The following PTPRT variants were observed in gnomAD, a reference collection of about 807,000 sequenced individuals.
The protein encoded by PTPRT is receptor-type tyrosine-protein phosphatase T.
Under a neutral mutation model 176.8 loss-of-function variants are expected in PTPRT, and 56 were observed. The observed-to-expected ratio is 0.32, with a 90% CI of 0.26 to 0.40. The LOEUF (loss-of-function observed/expected upper bound fraction) is 0.40. Ranked by LOEUF, PTPRT falls within the 10% of genes least tolerant of loss-of-function variation. PTPRT has a pLI of 1.00. For synonymous variants in PTPRT, 783 were observed against 739.0 expected (o/e 1.06, Z -0.96); for missense variants, 1,540 against 1,908.2 (o/e 0.81, Z 3.60).
chr20:42,899,940 G>A (rs922261377), intron 1 of PTPRT, among the ~76,000 whole-genome samples: 1 of 152,200 alleles, frequency 6.6e-6, no homozygotes, highest in Non-Finnish European at 1.5e-5. Flanking sequence ...GGAACTATGT[G>A]CTATGCACCG....
chr20:42,146,949 C>G (rs953329510), intron 17 of PTPRT, among the ~76,000 whole-genome samples: 11 of 152,268 alleles, frequency 7.2e-5, no homozygotes, highest in South Asian at 2.1e-4. Context: ...TGACAAACTC[C>G]TACATGTCCT....
chr20:42,590,927 CGTGTGTGTGTGTGTGTGTGTGT>C (rs11468131), intron 7 of PTPRT, among the ~76,000 whole-genome samples: 1 of 130,996 alleles, frequency 7.6e-6, no homozygotes, highest in Non-Finnish European at 1.6e-5. Context: ...AGAGATTTAG[CGTGTGTGTGTGTGTGTGTGTGT>C]GTGTGTGTGT....
At chr20:42,279,900 C>T (rs986824462) in intron 13 of PTPRT, among the ~76,000 whole-genome samples, 5 of 152,088 alleles carry the variant, frequency 3.3e-5, no homozygotes, top group Non-Finnish European at 5.9e-5. Context: ...AGAGTACTGG[C>T]CTTGAGTCTG....
At chr20:42,234,992 G>A (rs2056211371) in intron 15 of PTPRT, among the ~76,000 whole-genome samples, 1 of 152,206 alleles carries the variant, frequency 6.6e-6, no homozygotes, top group Non-Finnish European at 1.5e-5. Flanking sequence ...AAGACATGGA[G>A]CGCTAAGCAA....
rs189688022 is a variant in PTPRT, at chr20:42,906,506, C to T, written c.89-20574G>A. 6.6e-4 allele frequency among the ~76,000 whole-genome samples: 101 copies of T among 152,294 alleles called. 1 individual carries two copies. The East Asian group carries it at 0.014, about 21-fold the overall frequency. On this transcript the variant is annotated intron_variant, in intron 1 of 30. Coordinates refer to ENST00000373187, the MANE Select transcript of PTPRT (RefSeq NM_007050.6). Reference sequence around the variant, plus strand: ...CAAGAAACTCTCAGGATACAGAAAGCCCTCTGTCCTTGCAATAAGGCAGGG... The same window carrying T: ...CAAGAAACTCTCAGGATACAGAAAGTCCTCTGTCCTTGCAATAAGGCAGGG...
intron 1 of PTPRT, among the ~76,000 whole-genome samples, chr20:43,043,131 C>T (rs1262199921): frequency 6.6e-6 from 1 of 152,132 alleles, no homozygotes; most frequent in Admixed American, 6.6e-5. Context: ...CTTCTTTTGC[C>T]AAAGCGAGGT....
rs150972695 is a variant in PTPRT, at chr20:42,154,635, C to T, written c.2682+6717G>A. 2.1e-3 allele frequency among the ~76,000 whole-genome samples: 319 copies of T among 152,354 alleles called. 5 individuals carry two copies. The highest frequency in any genetic ancestry group is 1.5e-3 in the Non-Finnish European group (99 of 68,032). On this transcript the variant is annotated intron_variant, in intron 17 of 30. Coordinates refer to ENST00000373187, the MANE Select transcript of PTPRT (RefSeq NM_007050.6). ...TGGTTCCATTCATTATGGCGACAGC[C>T]TGTCTGGATTGAACTGGGATGAATG...
chr20:42,762,224 G>A (rs931956376), intron 5 of PTPRT, among the ~76,000 whole-genome samples: 1 of 152,028 alleles, frequency 6.6e-6, no homozygotes, highest in Non-Finnish European at 1.5e-5. Flanking sequence ...TTGGGGTGAG[G>A]TTTCCTTATC....
Position 42,084,770 on chromosome 20 carries a change from T to C in PTPRT, c.4048A>G (p.Lys1350Glu). Residue 1350 changes from lysine to glutamate, a missense_variant, in exon 29 of 31, where the codon AAG becomes GAG. Physicochemically the swap from Lys to Glu is moderately conservative, Grantham distance 56. Transcript: ENST00000373187. ...WPAYRDTPPSKRSLLKVVRRL... is the reference protein window; with the variant it reads ...WPAYRDTPPSERSLLKVVRRL... ...CGGACCACTTTGAGCAGAGAGCGCTTGGAGGGGGGCGTGTCCCGGTAGGCA... is the reference window on the plus strand; with the variant it reads ...CGGACCACTTTGAGCAGAGAGCGCTCGGAGGGGGGCGTGTCCCGGTAGGCA... The C allele has an allele frequency of 1.9e-6, 3 of 1,561,310 alleles. No homozygotes were observed. The highest frequency in any genetic ancestry group is 1.7e-6 in the Non-Finnish European group (2 of 1,149,738).
chr20:42,959,198 G>T (rs1342773832), intron 1 of PTPRT, among the ~76,000 whole-genome samples: 1 of 152,104 alleles, frequency 6.6e-6, no homozygotes, highest in East Asian at 1.9e-4. Context: ...CTGTAAAATA[G>T]TACCTACCTC....
intron 6 of PTPRT, among the ~76,000 whole-genome samples, chr20:42,695,424 T>C (rs564482991): frequency 6.6e-6 from 1 of 152,306 alleles, no homozygotes; most frequent in African/African-American, 2.4e-5. Context: ...TACCATAGAG[T>C]TTCTGAATAA....
chr20:42,511,964 A>C (rs1366406170), intron 7 of PTPRT, among the ~76,000 whole-genome samples: 2 of 152,134 alleles, frequency 1.3e-5, no homozygotes, highest in African/African-American at 4.8e-5. Flanking sequence ...CAACATTCCA[A>C]AGGCAAGAAG....
At chr20:42,911,503 G>A (rs1169017935) in intron 1 of PTPRT, among the ~76,000 whole-genome samples, 7 of 152,092 alleles carry the variant, frequency 4.6e-5, no homozygotes, top group African/African-American at 7.2e-5. Flanking sequence ...ACTGGCACCA[G>A]TGCATTTGAC....
intron 1 of PTPRT, among the ~76,000 whole-genome samples, chr20:43,122,923 G>A (rs1667901545): frequency 6.6e-6 from 1 of 152,056 alleles, no homozygotes; most frequent in African/African-American, 2.4e-5. Flanking sequence ...GTGCAATCTC[G>A]GCTCACTGCA....
chr20:42,529,980 T>A (rs1040512802), intron 7 of PTPRT, among the ~76,000 whole-genome samples: 1 of 152,018 alleles, frequency 6.6e-6, no homozygotes, highest in African/African-American at 2.4e-5. Context: ...TCTCCCACCA[T>A]CTCCCTGCTT....
chr20:42,622,689 G>A (rs527724834), intron 7 of PTPRT, among the ~76,000 whole-genome samples: 18 of 152,098 alleles, frequency 1.2e-4, no homozygotes, highest in Admixed American at 4.6e-4. Flanking sequence ...AATAGATGTC[G>A]AAATAAAAAA....
chr20:42,108,876 G>GAGAC (rs1039635196), intron 23 of PTPRT, among the ~76,000 whole-genome samples: 2 of 152,196 alleles, frequency 1.3e-5, no homozygotes, highest in Admixed American at 6.5e-5. Context: ...ACCTGCTAAG[G>GAGAC]AGACACATAC....
At chr20:42,440,581 C>T (rs2059305165) in intron 9 of PTPRT, among the ~76,000 whole-genome samples, 1 of 151,500 alleles carries the variant, frequency 6.6e-6, no homozygotes, top group Non-Finnish European at 1.5e-5. Context: ...AGGTTCACGC[C>T]ATTCTCCTGC....
chr20:42,748,715 G>A (rs1874256335), intron 6 of PTPRT, among the ~76,000 whole-genome samples: 1 of 152,104 alleles, frequency 6.6e-6, no homozygotes, highest in South Asian at 2.1e-4. Flanking sequence ...TGGGGAGCGG[G>A]GGGTTACATC....
Sources: allele counts gnomAD v4.1 joint callset (sites outside exome capture counted in the v4.1 genomes callset), GRCh38; gene constraint gnomAD v4.1.1; transcripts MANE v1.5; gene names NCBI Gene and HGNC (gene_info 2026-07-23, HGNC 2026-07-21).